Variants in POLN observed in about 807,000 individuals in gnomAD.
POLN encodes the protein DNA polymerase N.
In POLN, 108 loss-of-function variants were observed where a neutral mutation model predicts 113.5. The ratio of observed to expected loss-of-function variants is 0.95; its 90% confidence interval spans 0.81 to 1.12. The LOEUF is 1.12. Ranked by LOEUF, POLN falls within the 50% of genes most tolerant of loss-of-function variation. POLN has a pLI of 0.00. For missense variants in POLN, 1,097 were observed against 1,077.1 expected (o/e 1.02, Z -0.26); for synonymous variants, 386 against 391.5 (o/e 0.99, Z 0.17).
intron 2 of POLN, chr4:2,236,077 T>A (rs1354964222): frequency 1.8e-6 from 1 of 547,844 alleles, no homozygotes; most frequent in Non-Finnish European, 3.2e-6. Flanking sequence ...CATATTTATA[T>A]GTGAACAAAA....
intron 16 of POLN, among the ~76,000 whole-genome samples, chr4:2,132,213 A>G (rs1457552187): frequency 6.6e-6 from 1 of 152,170 alleles, no homozygotes; most frequent in Non-Finnish European, 1.5e-5. Context: ...AATACCCAAT[A>G]TTTACAGGAT....
At chr4:2,201,276 C>CAAAAAAAA (rs1733704460) in intron 5 of POLN, among the ~76,000 whole-genome samples, 1 of 682 alleles carries the variant, frequency 1.5e-3, no homozygotes, top group Non-Finnish European at 2.1e-3. Flanking sequence ...CCCTACCACT[C>CAAAAAAAA]CAAAAAAAAA....
chr4:2,237,395 C>G (rs568803756), intron 2 of POLN, among the ~76,000 whole-genome samples: 55 of 151,634 alleles, frequency 3.6e-4, no homozygotes, highest in African/African-American at 1.3e-3. Flanking sequence ...ATCATCACAT[C>G]ACTGCACTCC....
chr4:2,240,669 C>T (rs1734950611), intron 2 of POLN: 6 of 1,614,028 alleles, frequency 3.7e-6, no homozygotes, highest in Non-Finnish European at 5.1e-6. Context: ...ATCATCCAGT[C>T]TAGGTGTCTT....
chr4:2,140,602 C>A (rs1351365454), intron 16 of POLN, among the ~76,000 whole-genome samples: 6 of 152,024 alleles, frequency 3.9e-5, no homozygotes, highest in Admixed American at 2.0e-4. Flanking sequence ...CAAAAATTAG[C>A]CAGGTATGGT....
intron 5 of POLN, among the ~76,000 whole-genome samples, chr4:2,207,155 A>G (rs1342089540): frequency 6.6e-6 from 1 of 152,216 alleles, no homozygotes; most frequent in Non-Finnish European, 1.5e-5. Flanking sequence ...GGAATGGAAA[A>G]CGAAACATTG....
chr4:2,174,855 C>A, intron 9 of POLN, 104 bp from the exon 10 acceptor site: 2 of 794,706 alleles, frequency 2.5e-6, no homozygotes, highest in Non-Finnish European at 4.0e-6. Flanking sequence ...CAGAGTCTTG[C>A]TCTGCTGCCC....
chr4:2,217,124 A>G (rs1276908379), intron 3 of POLN, among the ~76,000 whole-genome samples: 3 of 152,152 alleles, frequency 2.0e-5, no homozygotes, highest in East Asian at 1.9e-4. Flanking sequence ...TGATCTTCCA[A>G]TCTTTCTCAT....
chr4:2,223,137 T>C (rs1430690889), intron 3 of POLN, among the ~76,000 whole-genome samples: 4 of 151,764 alleles, frequency 2.6e-5, no homozygotes, highest in African/African-American at 7.3e-5. Flanking sequence ...ACGAGGGGGG[T>C]TGGGTTGGCA....
chr4:2,149,850 A>G (rs1732246012), intron 16 of POLN, among the ~76,000 whole-genome samples: 2 of 151,990 alleles, frequency 1.3e-5, no homozygotes, highest in African/African-American at 2.4e-5. Flanking sequence ...TTGGGAGGCC[A>G]AGGAGGGCGG....
Position 2,240,456 on chromosome 4 carries a change from T to C in POLN, c.-13+1064A>G, listed in dbSNP as rs549420665. The C allele has an allele frequency of 1.9e-5, 30 of 1,613,988 alleles. No homozygotes were observed. The African/African-American group carries it at 2.7e-4, about 14-fold the overall frequency. ...TTCATCAGTAAGAGCCTGAAGTTCATTACTGATCTTAGTGATCATTGCATT... is the reference window on the plus strand; with the variant it reads ...TTCATCAGTAAGAGCCTGAAGTTCACTACTGATCTTAGTGATCATTGCATT... On this transcript the variant is annotated intron_variant, in intron 2 of 25. Coordinates refer to ENST00000511885, the MANE Select transcript of POLN (RefSeq NM_181808.4).
At chr4:2,212,913 A>G (rs1490624693) in intron 4 of POLN, 134 bp downstream of exon 4, 1 of 497,850 alleles carries the variant, frequency 2.0e-6, no homozygotes, top group African/African-American at 2.0e-5. Context: ...AAGTTCTTGG[A>G]GAGCAAGAAC....
intron 19 of POLN, among the ~76,000 whole-genome samples, chr4:2,113,059 A>C (rs1731235795): frequency 6.6e-6 from 1 of 152,092 alleles, no homozygotes; most frequent in African/African-American, 2.4e-5. Context: ...TGCAGCCGTA[A>C]AAAATGATGA....
chr4:2,142,374 G>C (rs1376867153), intron 16 of POLN, among the ~76,000 whole-genome samples: 1 of 152,174 alleles, frequency 6.6e-6, no homozygotes, highest in Non-Finnish European at 1.5e-5. Flanking sequence ...TGCACTGGAG[G>C]GTTTCTCAAA....
At position 2,170,673 on chromosome 4, in the gene POLN, C is replaced by T; in HGVS notation, c.1554+6G>A. ...AAAAAGAAAAAGGATAACTCTGAAACCTTACCACTGCTTCTGATGTAGACG... is the reference window on the plus strand; with the variant it reads ...AAAAAGAAAAAGGATAACTCTGAAATCTTACCACTGCTTCTGATGTAGACG... On this transcript the variant is annotated splice_donor_region_variant and intron_variant, in intron 13 of 25. Transcript: ENST00000511885. 1.2e-6 allele frequency: 2 copies of T among 1,609,568 alleles called. No individual in the cohort carries two copies. Among genetic ancestry groups the T allele is most frequent in the Non-Finnish European group, 1.7e-6 (2 of 1,176,088 alleles).
At chr4:2,189,756 C>T (rs147109654) in intron 7 of POLN, among the ~76,000 whole-genome samples, 99 of 151,646 alleles carry the variant, frequency 6.5e-4, no homozygotes, top group East Asian at 3.1e-3. Flanking sequence ...AAAGGCCAGG[C>T]GCGGTGGCTC....
intron 19 of POLN, among the ~76,000 whole-genome samples, chr4:2,104,082 T>C (rs1730990565): frequency 6.6e-6 from 1 of 152,112 alleles, no homozygotes; most frequent in African/African-American, 2.4e-5. Context: ...AGTAATCAAA[T>C]AGCACCACTA....
chr4:2,105,651 A>G (rs763779064), intron 19 of POLN, among the ~76,000 whole-genome samples: 1 of 152,144 alleles, frequency 6.6e-6, no homozygotes, highest in Non-Finnish European at 1.5e-5. Context: ...GTATAACACA[A>G]GGCAGAGAGG....
rs1204987690 is a variant in POLN, at chr4:2,229,191, T to C, written c.41A>G (p.Asn14Ser). 6.2e-7 allele frequency: 1 copy of C among 1,610,340 alleles called. No homozygotes were observed. The highest frequency in any genetic ancestry group is 1.3e-5 in the African/African-American group (1 of 74,930). The change falls in exon 3 of 26, where the codon AAT (asparagine) becomes AGT (serine). Residue 14 changes from asparagine (N) to serine (S), a missense_variant. By Grantham distance (46) the Asn-to-Ser change is conservative. Coordinates refer to ENST00000511885, the MANE Select transcript of POLN (RefSeq NM_181808.4). ...CTGAGCAACACTGGAGAGCGGTGTATTACAGAGATCAAAGCCTACCAATGC... is the reference window on the plus strand; with the variant it reads ...CTGAGCAACACTGGAGAGCGGTGTACTACAGAGATCAAAGCCTACCAATGC... ...YEALVGFDLC[N>S]TPLSSVAQKI...
Sources: gnomAD v4.1 joint callset for allele counts (sites outside exome capture counted in the v4.1 genomes callset) on GRCh38, gnomAD v4.1.1 for gene constraint, MANE v1.5 for transcripts, NCBI Gene and HGNC (gene_info 2026-07-23, HGNC 2026-07-21) for gene names.